ZBTB40: variants seen among roughly 807,000 people sequenced by gnomAD.
The protein encoded by ZBTB40 is zinc finger and BTB domain-containing protein 40.
Under a neutral mutation model 117.5 loss-of-function variants are expected in ZBTB40, and 60 were observed. The ratio of observed to expected loss-of-function variants is 0.51; its 90% CI spans 0.41 to 0.63. The LOEUF is 0.63. ZBTB40 is among the 30% of genes least tolerant of loss of function. The pLI, the probability that ZBTB40 is intolerant of heterozygous loss-of-function variation, is 0.00. For missense variants in ZBTB40, 1,287 were observed against 1,498.5 expected (o/e 0.86, Z 2.33); for synonymous variants, 525 against 577.1 (o/e 0.91, Z 1.29).
intron 1 of ZBTB40, among the ~76,000 whole-genome samples, chr1:22,445,258 A>G (rs1640774372): frequency 6.6e-6 from 1 of 152,202 alleles, no homozygotes; most frequent in South Asian, 2.1e-4. Flanking sequence ...CTATCTGGGA[A>G]CAGGGACAAA....
At chr1:22,465,233 C>T (rs1392063602) in intron 1 of ZBTB40, among the ~76,000 whole-genome samples, 6 of 152,106 alleles carry the variant, frequency 3.9e-5, no homozygotes, top group Admixed American at 3.9e-4. Flanking sequence ...CTGCTGCTCT[C>T]AGCAAAGAGG....
At chr1:22,446,241 A>G (rs1168416038) in intron 1 of ZBTB40, among the ~76,000 whole-genome samples, 2 of 1,596 alleles carry the variant, frequency 1.3e-3, no homozygotes, top group Non-Finnish European at 2.6e-3. Context: ...AAAAAATGAG[A>G]AAAAAAGACA....
At chr1:22,506,278 C>G (rs568483554) in intron 6 of ZBTB40, 37 bp downstream of exon 6, 2 of 1,608,084 alleles carry the variant, frequency 1.2e-6, no homozygotes, top group African/African-American at 1.3e-5. Context: ...ACTGGAACCA[C>G]TCTTCCAGAA....
At chr1:22,517,789 T>C (rs928350009) in intron 13 of ZBTB40, 4 of 276,796 alleles carry the variant, frequency 1.4e-5, no homozygotes, top group Admixed American at 5.2e-5. Context: ...AGCACTGGAA[T>C]ATTTCCATTA....
chr1:22,488,060 C>CA (rs1191934113), intron 1 of ZBTB40, among the ~76,000 whole-genome samples: 5 of 152,140 alleles, frequency 3.3e-5, no homozygotes, highest in African/African-American at 1.2e-4. Flanking sequence ...TCTGTGCGTC[C>CA]GTATCTTTTA....
At chr1:22,465,451 C>T (rs1035384935) in intron 1 of ZBTB40, among the ~76,000 whole-genome samples, 2 of 152,088 alleles carry the variant, frequency 1.3e-5, no homozygotes, top group African/African-American at 4.8e-5. Flanking sequence ...CATGGGCGGG[C>T]CTGGAAAAGG....
At chr1:22,470,811 C>T (rs1641386280) in intron 1 of ZBTB40, among the ~76,000 whole-genome samples, 1 of 152,200 alleles carries the variant, frequency 6.6e-6, no homozygotes, top group African/African-American at 2.4e-5. Context: ...CAGACTCCAC[C>T]TGCCGGGTTG....
chr1:22,432,577 AG>A (rs1640606753), intron 1 of ZBTB40, among the ~76,000 whole-genome samples: 1 of 152,266 alleles, frequency 6.6e-6, no homozygotes, highest in South Asian at 2.1e-4. Flanking sequence ...TACATTGGAT[AG>A]TAAAGTTATA....
intron 1 of ZBTB40, among the ~76,000 whole-genome samples, chr1:22,440,136 T>C (rs1052073952): frequency 6.6e-6 from 1 of 152,204 alleles, no homozygotes; most frequent in African/African-American, 2.4e-5. Context: ...TGTTAATATA[T>C]AGAAATACAA....
chr1:22,520,773 T>C (rs1045543278), intron 14 of ZBTB40, among the ~76,000 whole-genome samples: 1 of 152,178 alleles, frequency 6.6e-6, no homozygotes, highest in African/African-American at 2.4e-5. Context: ...GTCAGAAGCT[T>C]TAAAACTACA....
chr1:22,529,972 G>A lies in ZBTB40; in HGVS notation c.*3576G>A, dbSNP rs914522088. The A allele has an allele frequency of 6.6e-6, 1 of 151,736 alleles. No individual in the cohort carries two copies. Among genetic ancestry groups the A allele is most frequent in the Admixed American group, 6.6e-5 (1 of 15,230 alleles). The allele number at this position is 151,736 out of a possible 1,614,324, so 9.4% of individuals were successfully genotyped here. ...ATGGTGAGAAGGGCCCTAAGAGTTC[G>A]TCTCTCACCTGGGGGCTGGTGACGT... On this transcript the variant is annotated 3_prime_UTR_variant, in exon 18 of 18. Transcript: ENST00000375647.
chr1:22,517,202 A>T, intron 12 of ZBTB40, 98 bp from the exon 13 acceptor site: 2 of 1,538,918 alleles, frequency 1.3e-6, no homozygotes, highest in Non-Finnish European at 1.8e-6. Context: ...CATCTACCAG[A>T]TGATATTTCC....
At chr1:22,511,546 G>A in intron 10 of ZBTB40, 130 bp from the exon 11 acceptor site, 4 of 1,245,630 alleles carry the variant, frequency 3.2e-6, no homozygotes, top group Non-Finnish European at 4.5e-6. Context: ...GGAGGACAAT[G>A]ATATTACTTC....
intron 1 of ZBTB40, among the ~76,000 whole-genome samples, chr1:22,478,168 C>G (rs1037600240): frequency 2.6e-5 from 4 of 152,180 alleles, no homozygotes; most frequent in Admixed American, 2.0e-4. Context: ...TCAGACTGCC[C>G]AGTTTTGAAC....
upstream of ZBTB40, among the ~76,000 whole-genome samples, chr1:22,449,114 G>A (rs573809274): frequency 3.0e-4 from 46 of 152,088 alleles, no homozygotes; most frequent in African/African-American, 1.0e-3. Context: ...GCAGCCGGCC[G>A]GTTGTTATTT....
chr1:22,461,623 T>G (rs1641136284), intron 1 of ZBTB40, among the ~76,000 whole-genome samples: 1 of 152,138 alleles, frequency 6.6e-6, no homozygotes, highest in South Asian at 2.1e-4. Context: ...ATCTGTGAAA[T>G]GTACACAGAG....
intron 1 of ZBTB40, among the ~76,000 whole-genome samples, chr1:22,468,616 T>C (rs1569791733): frequency 1.4e-5 from 2 of 144,704 alleles, no homozygotes; most frequent in East Asian, 4.0e-4. Flanking sequence ...GCTGGGAGTA[T>C]AGGCATGTGC....
chr1:22,482,323 A>AT (rs955531347), intron 1 of ZBTB40, among the ~76,000 whole-genome samples: 4 of 152,100 alleles, frequency 2.6e-5, no homozygotes, highest in African/African-American at 7.2e-5. Context: ...TTAATAAACT[A>AT]TTTTTTTAGA....
intron 3 of ZBTB40, among the ~76,000 whole-genome samples, chr1:22,493,470 A>G (rs1246702935): frequency 2.6e-5 from 4 of 152,202 alleles, no homozygotes; most frequent in Non-Finnish European, 4.4e-5. Context: ...TTTGTTTCAG[A>G]CAGCCTTGTT....
Sources: gnomAD v4.1 joint callset for allele counts (sites outside exome capture counted in the v4.1 genomes callset) on GRCh38, gnomAD v4.1.1 for gene constraint, MANE v1.5 for transcripts, NCBI Gene and HGNC (gene_info 2026-07-23, HGNC 2026-07-21) for gene names.